CENPW: variants seen among roughly 807,000 people sequenced by gnomAD.
CENPW encodes cancer-up-regulated gene 2 protein.
In CENPW, 3 loss-of-function variants were observed where a neutral mutation model predicts 11.1. The ratio of observed to expected loss-of-function variants is 0.27; its 90% CI spans 0.12 to 0.70. The LOEUF (loss-of-function observed/expected upper bound fraction) is 0.70, where lower values mean the gene tolerates loss of function less well. Ranked by LOEUF, CENPW falls within the 30% of genes least tolerant of loss-of-function variation. The probability of loss-of-function intolerance (pLI) is 0.77; values close to 1 mark genes in which losing one functional copy is unlikely to be tolerated. For missense variants in CENPW, 100 were observed against 105.6 expected (o/e 0.95, Z 0.23); for synonymous variants, 38 against 42.0 (o/e 0.91, Z 0.37).
the CENPW span, among the ~76,000 whole-genome samples, chr6:126,369,273 A>G: frequency 5.9e-5 from 9 of 152,270 alleles, no homozygotes; most frequent in African/African-American, 1.9e-4. Context: ...TTTTTCATGT[A>G]ACGACTCCTT....
intron 1 of CENPW, 99 bp from the exon 2 acceptor site, chr6:126,346,106 A>T: frequency 1.8e-6 from 1 of 565,576 alleles, no homozygotes; most frequent in Non-Finnish European, 3.2e-6. Context: ...CACAATGGTA[A>T]ATAGTACAAT....
downstream of CENPW, among the ~76,000 whole-genome samples, chr6:126,351,350 A>T (rs970105399): frequency 6.6e-6 from 1 of 152,058 alleles, no homozygotes; most frequent in African/African-American, 2.4e-5. Flanking sequence ...TTTGGTAAAA[A>T]ATTATAACTC....
the CENPW span, among the ~76,000 whole-genome samples, chr6:126,398,090 A>G: frequency 1.3e-5 from 2 of 152,098 alleles, no homozygotes; most frequent in Non-Finnish European, 2.9e-5. Context: ...GTTTACTCCT[A>G]TTGTGCAGAC....
At chr6:126,408,748 A>G in the CENPW span, among the ~76,000 whole-genome samples, 48 of 151,644 alleles carry the variant, frequency 3.2e-4, no homozygotes, top group Admixed American at 1.8e-3. Context: ...TTTCCTATAG[A>G]TTTTCCATTT....
At chr6:126,397,084 A>G in the CENPW span, among the ~76,000 whole-genome samples, 12 of 152,022 alleles carry the variant, frequency 7.9e-5, no homozygotes. Flanking sequence ...GGTGTCTCCA[A>G]GTCCACTTGA....
chr6:126,413,174 T>C, the CENPW span, among the ~76,000 whole-genome samples: 7 of 152,126 alleles, frequency 4.6e-5, no homozygotes, highest in Admixed American at 4.6e-4. Context: ...TGTAAAATAA[T>C]TGCTGAAAAA....
At chr6:126,360,373 G>C in the CENPW span, among the ~76,000 whole-genome samples, 2 of 151,976 alleles carry the variant, frequency 1.3e-5, no homozygotes, top group Admixed American at 1.3e-4. Context: ...CTTTCTCATT[G>C]ACCTTGGAGA....
At chr6:126,409,099 C>G in the CENPW span, among the ~76,000 whole-genome samples, 16 of 151,990 alleles carry the variant, frequency 1.1e-4, no homozygotes, top group Admixed American at 2.0e-4. Context: ...CTATAAACTT[C>G]AACTTATTAC....
At chr6:126,456,002 A>G in the CENPW span, among the ~76,000 whole-genome samples, 210 of 151,128 alleles carry the variant, frequency 1.4e-3, no homozygotes, top group African/African-American at 4.9e-3. Context: ...ATATCTAACG[A>G]GGGGGGGCAA....
the CENPW span, among the ~76,000 whole-genome samples, chr6:126,361,387 C>T: frequency 6.6e-6 from 1 of 152,122 alleles, no homozygotes; most frequent in Non-Finnish European, 1.5e-5. Flanking sequence ...GCAAGCTCCG[C>T]CTCCTGGGTT....
chr6:126,424,334 G>C, the CENPW span, among the ~76,000 whole-genome samples: 29 of 152,072 alleles, frequency 1.9e-4, no homozygotes, highest in Non-Finnish European at 3.7e-4. Flanking sequence ...ACACCACTGA[G>C]ACCTCTTATT....
the CENPW span, among the ~76,000 whole-genome samples, chr6:126,456,175 A>G: frequency 4.6e-5 from 7 of 151,482 alleles, no homozygotes; most frequent in South Asian, 1.5e-3. Flanking sequence ...CAAACTATGA[A>G]TGGGATTCTT....
At chr6:126,475,535 A>G in the CENPW span, among the ~76,000 whole-genome samples, 5 of 152,110 alleles carry the variant, frequency 3.3e-5, no homozygotes, top group South Asian at 1.0e-3. Flanking sequence ...CTTATAAACA[A>G]ACTATAACCT....
At chr6:126,435,065 A>G in the CENPW span, among the ~76,000 whole-genome samples, 1 of 151,998 alleles carries the variant, frequency 6.6e-6, no homozygotes, top group African/African-American at 2.4e-5. Flanking sequence ...TGTTTTTAAA[A>G]TCTTTCATCT....
the CENPW span, among the ~76,000 whole-genome samples, chr6:126,472,487 A>C: frequency 6.6e-6 from 1 of 152,208 alleles, no homozygotes; most frequent in South Asian, 2.1e-4. Context: ...GCATGTATCA[A>C]TAGTTCATTC....
At chr6:126,365,620 T>C in the CENPW span, among the ~76,000 whole-genome samples, 2 of 152,118 alleles carry the variant, frequency 1.3e-5, no homozygotes, top group African/African-American at 2.4e-5. Flanking sequence ...GACATAAGAT[T>C]TGGGTGGGGA....
At chr6:126,360,543 C>G in the CENPW span, among the ~76,000 whole-genome samples, 1 of 152,122 alleles carries the variant, frequency 6.6e-6, no homozygotes, top group Non-Finnish European at 1.5e-5. Flanking sequence ...ATTCTCTCTC[C>G]TCTCTCAGGA....
chr6:126,415,035 G>C, the CENPW span, among the ~76,000 whole-genome samples: 1 of 152,086 alleles, frequency 6.6e-6, no homozygotes, highest in Non-Finnish European at 1.5e-5. Context: ...TAACAAGATT[G>C]AGCCAGGAAG....
At position 126,348,732 on chromosome 6, in the gene CENPW, G is replaced by T; in HGVS notation, c.*240G>T. The T allele has an allele frequency of 3.5e-6, 1 of 285,576 alleles. No homozygotes were observed. Among genetic ancestry groups the T allele is most frequent in the Non-Finnish European group, 6.5e-6 (1 of 154,218 alleles). 17.7% of individuals were successfully genotyped at this position (285,576 alleles called of 1,614,324 possible). A position where few individuals can be genotyped will look rare whatever the true frequency, so the allele number is the denominator to read the frequency against. On this transcript the variant is annotated 3_prime_UTR_variant, in exon 3 of 3. Coordinates refer to ENST00000368328, the MANE Select transcript of CENPW (RefSeq NM_001012507.4). Reference sequence around the variant, plus strand: ...ATGTCCTCTAGTTCAGTTTGCTTTTGTTTTGTTGCTGCTGCAAATATTTTA... The same window carrying T: ...ATGTCCTCTAGTTCAGTTTGCTTTTTTTTTGTTGCTGCTGCAAATATTTTA...
Sources: allele counts gnomAD v4.1 joint callset (sites outside exome capture counted in the v4.1 genomes callset), GRCh38; gene constraint gnomAD v4.1.1; transcripts MANE v1.5; gene names NCBI Gene and HGNC (gene_info 2026-07-23, HGNC 2026-07-21).